SFPQ: variants seen among roughly 807,000 people sequenced by gnomAD.
The protein encoded by SFPQ is splicing factor proline and glutamine rich.
A neutral mutation model predicts 72.9 loss-of-function variants in SFPQ; 11 were observed. The observed-to-expected ratio is 0.15, with a 90% confidence interval of 0.09 to 0.25. The LOEUF is 0.25. Among genes scored for constraint, SFPQ ranks in the 10% least tolerant of loss-of-function variants. SFPQ has a pLI of 1.00. For synonymous variants in SFPQ, 506 were observed against 367.3 expected, an observed-to-expected ratio of 1.38 and a Z score of -4.32; for missense variants, 847 against 993.3, an observed-to-expected ratio of 0.85 and a Z score of 1.98.
At chr1:35,186,153 G>C (rs1349145727) in intron 9 of SFPQ, among the ~76,000 whole-genome samples, 1 of 152,112 alleles carries the variant, frequency 6.6e-6, no homozygotes, top group Non-Finnish European at 1.5e-5. Flanking sequence ...AATCTTATGA[G>C]CTACTCACTG....
chr1:35,181,460 T>C, downstream of SFPQ: 1 of 1,063,590 alleles, frequency 9.4e-7, no homozygotes, highest in Non-Finnish European at 1.1e-6. Context: ...AGTGGTACAA[T>C]ACATCTATAA....
chr1:35,190,369 A>AT (rs924490606), intron 4 of SFPQ, 129 bp downstream of exon 4: 180 of 657,482 alleles, frequency 2.7e-4, no homozygotes, highest in Admixed American at 4.8e-4. Context: ...TCAGCCTGAG[A>AT]TTTTTTACTA....
Position 35,190,899 on chromosome 1 carries a change from C to A in SFPQ, c.1114G>T (p.Ala372Ser), listed in dbSNP as rs1431654824. 6.2e-7 allele frequency: 1 copy of A among 1,614,038 alleles called. No homozygotes were observed. Among genetic ancestry groups the A allele is most frequent in the Non-Finnish European group, 8.5e-7 (1 of 1,180,020 alleles). ...GGTGAAAGATTACGAACAGAAAGGG[C>A]AGCAGCATGTGTGGCAAAGCGAACT... Reference protein sequence around the residue: ...LRVRFATHAAALSVRNLSPYV... With the variant: ...LRVRFATHAASLSVRNLSPYV... The change falls in exon 3 of 10, where the codon GCC becomes TCC. Residue 372 changes from alanine (A) to serine (S), a missense_variant. Ala to Ser is a moderately conservative substitution (Grantham distance 99). Coordinates refer to ENST00000357214, the MANE Select transcript of SFPQ (RefSeq NM_005066.3).
At chr1:35,189,660 T>A (rs1639898235) in intron 4 of SFPQ, among the ~76,000 whole-genome samples, 2 of 152,162 alleles carry the variant, frequency 1.3e-5, no homozygotes, top group African/African-American at 4.8e-5. Flanking sequence ...CATAAAAATG[T>A]ACTGTAGGCC....
chr1:35,192,557 G>C lies in SFPQ; in HGVS notation c.493C>G (p.Pro165Ala). ...PAVTSAPPGAPPPTPPSSGVP... is the reference protein window; with the variant it reads ...PAVTSAPPGAAPPTPPSSGVP... Reference sequence around the variant, plus strand: ...CCGCTGCTTGGCGGGGTGGGTGGCGGCGCCCCGGGAGGGGCCGAGGTGACT... The same window carrying C: ...CCGCTGCTTGGCGGGGTGGGTGGCGCCGCCCCGGGAGGGGCCGAGGTGACT... Residue 165 changes from proline to alanine, a missense_variant, in exon 1 of 10, where the codon CCG (proline) becomes GCG (alanine). By Grantham distance (27) the Pro-to-Ala change is conservative. Transcript: ENST00000357214. The C allele has an allele frequency of 7.5e-7, 1 of 1,327,048 alleles. No homozygotes were observed. 82.2% of individuals were successfully genotyped at this position (1,327,048 alleles called of 1,614,324 possible).
At chr1:35,177,326 CGTT>C (rs1639286388) in exon 5 of SFPQ, 1 of 152,160 alleles carries the variant, frequency 6.6e-6, no homozygotes, top group Non-Finnish European at 1.5e-5. Context: ...TACCTAGAAA[CGTT>C]GTCAGTCTGC....
At chr1:35,184,626 G>A (rs1351855154) in intron 9 of SFPQ, 33 bp from the exon 10 acceptor site, 2 of 1,519,496 alleles carry the variant, frequency 1.3e-6, no homozygotes, top group Admixed American at 2.5e-5. Context: ...TTCATTATAA[G>A]TAGTTGATGT....
chr1:35,187,852 CTT>C (rs1222471488), intron 7 of SFPQ, 119 bp downstream of exon 7: 19 of 694,482 alleles, frequency 2.7e-5, no homozygotes, highest in Non-Finnish European at 3.8e-5. Flanking sequence ...ACATAATATA[CTT>C]TGTTAGAAAA....
Position 35,192,337 on chromosome 1 carries a change from C to T in SFPQ, c.713G>A (p.Gly238Asp). The change falls in exon 1 of 10, where the codon GGC (glycine) becomes GAC (aspartate). Residue 238 changes from glycine to aspartate, a missense_variant. Around this residue, in one of 6 missense-constraint regions of SFPQ, gnomAD observed 498 missense variants for 405.1 expected, o/e 1.23. Coordinates refer to ENST00000357214, the MANE Select transcript of SFPQ (RefSeq NM_005066.3). The stretch of plus-strand genomic sequence containing the variant: ...CTGGCGGCCCCCGCGGGGCTCCCCG[C>T]CGCCTCGATGCGGCGGCTTGGGGTG... ...GGHPKPPHRG[G>D]GEPRGGRQHH... The T allele has an allele frequency of 2.1e-6, 3 of 1,405,886 alleles. No individual in the cohort carries two copies. The highest frequency in any genetic ancestry group is 2.7e-6 in the Non-Finnish European group (3 of 1,093,694). 87.1% of individuals were successfully genotyped at this position (1,405,886 alleles called of 1,614,324 possible). A position where few individuals can be genotyped will look rare whatever the true frequency, so the allele number is the denominator to read the frequency against.
intron 1 of SFPQ, 111 bp downstream of exon 1, chr1:35,192,110 CA>C (rs2148627433): frequency 1.1e-6 from 1 of 920,834 alleles, no homozygotes; most frequent in South Asian, 4.6e-5. Flanking sequence ...GCGGCGCGCG[CA>C]AGCGCCCCTT....
downstream of SFPQ, chr1:35,178,381 T>G (rs1332899743): frequency 9.4e-7 from 1 of 1,064,206 alleles, no homozygotes; most frequent in African/African-American, 1.6e-5. Context: ...CCAAATGAGT[T>G]TTAACATCAG....
At chr1:35,178,386 C>T, downstream of SFPQ, 1 of 1,064,100 alleles carries the variant, frequency 9.4e-7, no homozygotes. Flanking sequence ...TGAGTTTTAA[C>T]ATCAGCTCTT....
chr1:35,193,143 GGCGGCGCGCCGC>G, exon 1 of SFPQ: 1 of 1,471,448 alleles, frequency 6.8e-7, no homozygotes, highest in Non-Finnish European at 8.9e-7. Flanking sequence ...GGATGACACA[GGCGGCGCGCCGC>G]CTTTGTCCTC....
downstream of SFPQ, chr1:35,182,530 G>C (rs533737955): frequency 4.6e-4 from 450 of 985,236 alleles, no homozygotes; most frequent in Non-Finnish European, 5.3e-4. Context: ...TTTACTTTCA[G>C]CATTATCCTG....
chr1:35,179,787 G>A (rs1464156649), downstream of SFPQ: 3 of 1,054,332 alleles, frequency 2.8e-6, no homozygotes, highest in East Asian at 1.1e-4. Context: ...AATTGTTACT[G>A]ACTGGTAAGA....
downstream of SFPQ, chr1:35,178,493 C>CA (rs1177679010): frequency 9.4e-7 from 1 of 1,063,462 alleles, no homozygotes; most frequent in Non-Finnish European, 1.1e-6. Context: ...CAAGAGTGCC[C>CA]AACTCCCCTT....
chr1:35,180,830 C>G (rs1225220593), downstream of SFPQ: 4 of 985,304 alleles, frequency 4.1e-6, no homozygotes, highest in Admixed American at 6.1e-5. Flanking sequence ...CCCTCTCCCC[C>G]ACACCACTGA....
At chr1:35,187,824 C>T (rs920023304) in intron 7 of SFPQ, 149 bp downstream of exon 7, 4 of 639,948 alleles carry the variant, frequency 6.3e-6, no homozygotes, top group Admixed American at 2.6e-5. Flanking sequence ...AATCCTCTGA[C>T]CCATACAAGG....
chr1:35,177,391 T>C (rs1226073344), exon 5 of SFPQ: 1 of 152,134 alleles, frequency 6.6e-6, no homozygotes, highest in Non-Finnish European at 1.5e-5. Flanking sequence ...TTGAGAAGTA[T>C]CTATCCACCT....
Sources: allele counts gnomAD v4.1 joint callset (sites outside exome capture counted in the v4.1 genomes callset), GRCh38; gene constraint gnomAD v4.1.1; regional missense constraint gnomAD v4.1.1; transcripts MANE v1.5; gene names NCBI Gene and HGNC (gene_info 2026-07-23, HGNC 2026-07-21).